Variants in PID1 observed in about 807,000 individuals in gnomAD.
The protein encoded by PID1 is PTB-containing, cubilin and LRP1-interacting protein.
A neutral mutation model predicts 19.1 loss-of-function variants in PID1; 10 were observed. The observed-to-expected ratio is 0.52, with a 90% CI of 0.32 to 0.89. The LOEUF is 0.89. Among genes scored for constraint, PID1 ranks in the 40% least tolerant of loss-of-function variants. The probability of loss-of-function intolerance (pLI) is 0.03; values close to 1 mark genes in which losing one functional copy is unlikely to be tolerated. For missense variants in PID1, 248 were observed against 285.3 expected (o/e 0.87, Z 0.94); for synonymous variants, 130 against 116.0 (o/e 1.12, Z -0.78).
At chr2:229,213,285 C>A (rs903284315) in intron 1 of PID1, among the ~76,000 whole-genome samples, 5 of 152,196 alleles carry the variant, frequency 3.3e-5, no homozygotes, top group Non-Finnish European at 7.3e-5. Context: ...CAGCCCACCC[C>A]CTTGCCCTCC....
chr2:229,073,773 G>C (rs542129658), intron 2 of PID1, among the ~76,000 whole-genome samples: 1 of 152,136 alleles, frequency 6.6e-6, no homozygotes, highest in Non-Finnish European at 1.5e-5. Context: ...TTCTCATTTA[G>C]GGCAATTATG....
chr2:229,151,342 G>A (rs574092071), intron 2 of PID1, among the ~76,000 whole-genome samples: 3 of 152,152 alleles, frequency 2.0e-5, no homozygotes, highest in South Asian at 2.1e-4. Flanking sequence ...GGCTCTGCTA[G>A]TTACTAACGA....
intron 2 of PID1, among the ~76,000 whole-genome samples, chr2:229,145,476 A>T (rs1303737061): frequency 6.6e-6 from 1 of 152,044 alleles, no homozygotes; most frequent in Non-Finnish European, 1.5e-5. Flanking sequence ...CCTTTTTTCT[A>T]GATAAATAAA....
At chr2:229,078,516 G>A (rs1694608670) in intron 2 of PID1, among the ~76,000 whole-genome samples, 1 of 152,150 alleles carries the variant, frequency 6.6e-6, no homozygotes, top group South Asian at 2.1e-4. Context: ...CCTTCAGTAT[G>A]ATATTAGCTG....
At chr2:229,110,028 A>T (rs1047077086) in intron 2 of PID1, among the ~76,000 whole-genome samples, 2 of 152,162 alleles carry the variant, frequency 1.3e-5, no homozygotes, top group Admixed American at 6.5e-5. Context: ...GAGCTTTAAG[A>T]CTGCTGCCTC....
At chr2:229,178,582 A>C (rs1243225042) in intron 1 of PID1, among the ~76,000 whole-genome samples, 1 of 152,090 alleles carries the variant, frequency 6.6e-6, no homozygotes, top group Non-Finnish European at 1.5e-5. Context: ...CTGTGCCATA[A>C]ATTTTATGGT....
chr2:229,132,734 T>G (rs1284430933), intron 2 of PID1, among the ~76,000 whole-genome samples: 1 of 152,172 alleles, frequency 6.6e-6, no homozygotes, highest in Non-Finnish European at 1.5e-5. Context: ...TAACAAATTA[T>G]CTGACCCACC....
intron 2 of PID1, among the ~76,000 whole-genome samples, chr2:229,119,785 T>C (rs1182067672): frequency 1.3e-5 from 2 of 152,210 alleles, no homozygotes; most frequent in African/African-American, 4.8e-5. Flanking sequence ...ATCATTTGAA[T>C]TGTGGACTGA....
At position 229,024,466 on chromosome 2, in the gene PID1, T is replaced by C. The variant is rs1173105878; in HGVS notation, c.*1166A>G. 1 of 152,166 alleles carries C rather than the reference T, an allele frequency of 6.6e-6. No homozygotes were observed. Among genetic ancestry groups the C allele is most frequent in the Non-Finnish European group, 1.5e-5 (1 of 67,982 alleles). 9.4% of individuals were successfully genotyped at this position (152,166 alleles called of 1,614,324 possible). On this transcript the variant is annotated 3_prime_UTR_variant, in exon 3 of 3. Coordinates refer to ENST00000392055, the MANE Select transcript of PID1 (RefSeq NM_001100818.2). ...GATTGTTTTAGTGAGAACTTCCCAT[T>C]CAAAATAAAAAAAAAGGGCAATTCT...
At chr2:229,046,123 T>C (rs1693872252) in intron 2 of PID1, among the ~76,000 whole-genome samples, 1 of 152,148 alleles carries the variant, frequency 6.6e-6, no homozygotes, top group Non-Finnish European at 1.5e-5. Context: ...CCGACTCTGC[T>C]GGGAACCATG....
chr2:229,119,294 A>G (rs1695470469), intron 2 of PID1, among the ~76,000 whole-genome samples: 1 of 152,204 alleles, frequency 6.6e-6, no homozygotes, highest in Admixed American at 6.5e-5. Flanking sequence ...AAATCAATTA[A>G]TTTGTCTAAA....
intron 2 of PID1, among the ~76,000 whole-genome samples, chr2:229,048,820 A>C (rs1419448389): frequency 6.6e-6 from 1 of 152,218 alleles, no homozygotes; most frequent in East Asian, 1.9e-4. Flanking sequence ...TCCAGTTTTT[A>C]AAGTAACAGT....
intron 2 of PID1, among the ~76,000 whole-genome samples, chr2:229,084,838 C>T (rs990616901): frequency 7.2e-6 from 1 of 139,222 alleles, no homozygotes; most frequent in Non-Finnish European, 1.6e-5. Flanking sequence ...ACACATTTCT[C>T]TTTACTGCTT....
chr2:229,170,234 CAGAG>C (rs977121373), intron 1 of PID1, among the ~76,000 whole-genome samples: 10 of 152,166 alleles, frequency 6.6e-5, no homozygotes, highest in African/African-American at 1.7e-4. Flanking sequence ...GTTTGAGAGA[CAGAG>C]AGAGACAACA....
At chr2:229,046,063 A>G (rs2106179101) in intron 2 of PID1, among the ~76,000 whole-genome samples, 1 of 152,292 alleles carries the variant, frequency 6.6e-6, no homozygotes, top group South Asian at 2.1e-4. Flanking sequence ...TCAGGGCCTG[A>G]AGGAAAAAAT....
At chr2:229,145,428 C>T (rs1213103647) in intron 2 of PID1, among the ~76,000 whole-genome samples, 1 of 151,562 alleles carries the variant, frequency 6.6e-6, no homozygotes, top group African/African-American at 2.4e-5. Flanking sequence ...TATATTTTAT[C>T]CACAAAACCA....
intron 2 of PID1, among the ~76,000 whole-genome samples, chr2:229,049,268 AT>A (rs1310519915): frequency 1.3e-5 from 2 of 151,950 alleles, no homozygotes; most frequent in African/African-American, 4.8e-5. Flanking sequence ...GTAAGATTAT[AT>A]TTTTTTCACA....
intron 1 of PID1, among the ~76,000 whole-genome samples, chr2:229,216,296 C>G (rs115811525): frequency 6.6e-6 from 1 of 152,164 alleles, no homozygotes; most frequent in African/African-American, 2.4e-5. Flanking sequence ...GAGAAGTGGA[C>G]GCTCAGACTC....
chr2:229,205,058 A>G (rs13012938), intron 1 of PID1, among the ~76,000 whole-genome samples: 7,360 of 152,252 alleles, frequency 0.048, 249 homozygotes, highest in Middle Eastern at 0.099. Context: ...TTTCTACATA[A>G]ATAGAATAAC....
Sources: allele counts gnomAD v4.1 joint callset (sites outside exome capture counted in the v4.1 genomes callset), GRCh38; gene constraint gnomAD v4.1.1; transcripts MANE v1.5; gene names NCBI Gene and HGNC (gene_info 2026-07-23, HGNC 2026-07-21).